Variants in BCAT2 observed in about 807,000 individuals in gnomAD.
BCAT2 encodes the protein branched chain amino acid transaminase 2, also known as branched-chain-amino-acid aminotransferase, mitochondrial.
BCAT2 carries 44 observed loss-of-function variants against 52.9 expected under a neutral mutation model. That is an observed-to-expected ratio of 0.83 (90% CI 0.65 to 1.07). The LOEUF (loss-of-function observed/expected upper bound fraction) is 1.07. BCAT2 is among the 50% of genes least tolerant of loss of function. The pLI is 0.00. For synonymous variants in BCAT2, 215 were observed against 217.1 expected (o/e 0.99, Z 0.08); for missense variants, 478 against 521.8 (o/e 0.92, Z 0.82).
chr19:48,796,153 AC>A (rs1356991869), intron 10 of BCAT2: 1 of 523,012 alleles, frequency 1.9e-6, no homozygotes, highest in African/African-American at 1.9e-5. Context: ...CTACCAGGGC[AC>A]CCAGGAGCCG....
At chr19:48,806,952 C>T in intron 2 of BCAT2, 48 bp downstream of exon 2, 1 of 1,594,948 alleles carries the variant, frequency 6.3e-7, no homozygotes, top group Non-Finnish European at 8.6e-7. Context: ...AAACCAGCTG[C>T]CAGCCCCCTC....
rs960537165 is a variant in BCAT2 at position 48,795,322 on chromosome 19, G to T, written c.*104C>A. 1.7e-5 allele frequency: 26 copies of T among 1,491,954 alleles called. No individual in the cohort carries two copies. Among genetic ancestry groups the T allele is most frequent in the Non-Finnish European group, 2.3e-5 (25 of 1,084,204 alleles). The allele number at this position is 1,491,954 out of a possible 1,614,324, so 92.4% of individuals were successfully genotyped here. On this transcript the variant is annotated 3_prime_UTR_variant, in exon 11 of 11. Transcript: ENST00000316273. ...CCAGAGACCCAGACGCCGCCCGCTG[G>T]CCTTTTATTTCGTATTGCACTTCAG...
intron 3 of BCAT2, 61 bp from the exon 4 acceptor site, chr19:48,800,358 AAGAC>A (rs773437653): frequency 5.1e-5 from 74 of 1,438,618 alleles, no homozygotes; most frequent in Non-Finnish European, 6.9e-5. Context: ...GAGAGACACC[AAGAC>A]AGACAGAGAC....
chr19:48,799,427 C>A lies in BCAT2; in HGVS notation c.695+248G>T. On this transcript the variant is annotated intron_variant, in intron 6 of 10. Transcript: ENST00000316273. The surrounding 1 kb of genome is among the most constrained non-coding windows in gnomAD (Gnocchi z 5.5). ...CTTCCAGGGACCAGTCCTGGTTTCC[C>A]CACTGACCTCCACCCAATGCCTTCC... 2.0e-6 allele frequency: 1 copy of A among 495,742 alleles called. No individual in the cohort carries two copies. The highest frequency in any genetic ancestry group is 3.4e-6 in the Non-Finnish European group (1 of 292,602). 30.7% of individuals were successfully genotyped at this position (495,742 alleles called of 1,614,324 possible). A position where few individuals can be genotyped will look rare whatever the true frequency, so the allele number is the denominator to read the frequency against.
intron 2 of BCAT2, 115 bp downstream of exon 2, chr19:48,806,885 G>T: frequency 7.0e-7 from 1 of 1,423,886 alleles, no homozygotes; most frequent in South Asian, 1.2e-5. Context: ...ATGGCAGGCT[G>T]TTAAGCTACC....
Position 48,806,731 on chromosome 19 carries a change from G to A in BCAT2, c.100-14C>T, listed in dbSNP as rs527706487. On this transcript the variant is annotated splice_polypyrimidine_tract_variant and intron_variant, in intron 2 of 10. Coordinates refer to ENST00000316273, the MANE Select transcript of BCAT2 (RefSeq NM_001190.4). ...CAGGTCTGCAGCCTGAGGAAAGACA[G>A]GGGTATCCTAGAATCTGGCCACAAC... 204 of 1,611,098 alleles carry A rather than the reference G, an allele frequency of 1.3e-4. 4 individuals are homozygous for A. In the South Asian group the frequency reaches 2.2e-3, roughly 17 times the overall value.
chr19:48,806,849 C>T, intron 2 of BCAT2, 132 bp from the exon 3 acceptor site: 4 of 1,379,022 alleles, frequency 2.9e-6, no homozygotes, highest in African/African-American at 1.4e-5. Flanking sequence ...CTGGGACATG[C>T]AGTTTCATCC....
At position 48,811,024 on chromosome 19, in the gene BCAT2, A is replaced by C. The variant is rs2034912864; in HGVS notation, c.-17T>G. 6.3e-7 allele frequency: 1 copy of C among 1,597,654 alleles called. No homozygotes were observed. The highest frequency in any genetic ancestry group is 1.4e-5 in the African/African-American group (1 of 73,212). On this transcript the variant is annotated 5_prime_UTR_variant, in exon 1 of 11. Coordinates refer to ENST00000316273, the MANE Select transcript of BCAT2 (RefSeq NM_001190.4). ...TGCGGCCATGATCCGTGCGGCGCGT[A>C]ACTGTGCCCGCCCGGGGCGCGGCTC...
intron 4 of BCAT2, 36 bp downstream of exon 4, chr19:48,800,151 C>T (rs2034625944): frequency 1.2e-6 from 2 of 1,612,332 alleles, no homozygotes; most frequent in East Asian, 2.2e-5. Flanking sequence ...CCGGCCCCAG[C>T]CCTCCTCCCC....
At chr19:48,797,552 T>C (rs2122653477) in intron 6 of BCAT2, 1 of 595,100 alleles carries the variant, frequency 1.7e-6, no homozygotes, top group Non-Finnish European at 2.9e-6. Flanking sequence ...TTCTTTCTTT[T>C]CTTTTCTTTT....
chr19:48,799,921 C>T lies in BCAT2; in HGVS notation c.531+60G>A. Reference sequence around the variant, plus strand: ...CAGGCCCAGGCCTCCAGGACCCCACCCCTGCCCTGCAGAATCCAACCCCCG... The same window carrying T: ...CAGGCCCAGGCCTCCAGGACCCCACTCCTGCCCTGCAGAATCCAACCCCCG... On this transcript the variant is annotated intron_variant, in intron 5 of 10. Transcript: ENST00000316273. This position sits in a 1 kb window ranked among gnomAD's most constrained non-coding sequence, Gnocchi z 5.5. The T allele has an allele frequency of 1.2e-6, 2 of 1,606,084 alleles. No homozygotes were observed. The highest frequency in any genetic ancestry group is 1.7e-6 in the Non-Finnish European group (2 of 1,176,096).
chr19:48,806,858 C>A (rs2034796617), intron 2 of BCAT2, 141 bp from the exon 3 acceptor site: 1 of 1,382,594 alleles, frequency 7.2e-7, no homozygotes, highest in Non-Finnish European at 1.0e-6. Flanking sequence ...GCAGTTTCAT[C>A]CCTTGTCTGC....
At chr19:48,797,458 T>A (rs2034552882) in intron 6 of BCAT2, 125 bp from the exon 7 acceptor site, 3 of 1,193,082 alleles carry the variant, frequency 2.5e-6, no homozygotes. Flanking sequence ...GCTCCCCAGT[T>A]CCCCTGAGAT....
At chr19:48,810,736 C>CTTTTTTT in intron 1 of BCAT2, 1 of 720,992 alleles carries the variant, frequency 1.4e-6, no homozygotes, top group Non-Finnish European at 1.8e-6. Flanking sequence ...CCATGTTTCC[C>CTTTTTTT]TTTTTTTTTT....
intron 2 of BCAT2, 50 bp downstream of exon 2, chr19:48,806,950 T>C (rs769113759): frequency 1.4e-5 from 23 of 1,592,244 alleles, no homozygotes; most frequent in Non-Finnish European, 1.9e-5. Flanking sequence ...CAAAACCAGC[T>C]GCCAGCCCCC....
intron 3 of BCAT2, among the ~76,000 whole-genome samples, chr19:48,804,194 T>C (rs371864570): frequency 6.6e-6 from 1 of 151,874 alleles, no homozygotes; most frequent in East Asian, 1.9e-4. Flanking sequence ...AATAAAATGG[T>C]TGGAATCCCA....
Position 48,799,463 on chromosome 19 carries a change from C to T in BCAT2, c.695+212G>A, listed in dbSNP as rs577937033. On this transcript the variant is annotated intron_variant, in intron 6 of 10. Coordinates refer to ENST00000316273, the MANE Select transcript of BCAT2 (RefSeq NM_001190.4). The surrounding 1 kb of genome is among the most constrained non-coding windows in gnomAD (Gnocchi z 5.5). ...CACCCAATGCCTTCCCATCTGTGAG[C>T]CTTTTTGTCCATCTGAAAAATAATC... is the stretch of plus-strand genomic sequence containing the variant. 4 of 632,116 alleles carry T rather than the reference C, an allele frequency of 6.3e-6. No homozygotes were observed. The highest frequency in any genetic ancestry group is 9.9e-6 in the Non-Finnish European group (4 of 403,386). The allele number at this position is 632,116 out of a possible 1,614,324, so 39.2% of individuals were successfully genotyped here.
chr19:48,797,544 C>CTTTCT lies in BCAT2; in HGVS notation c.696-216_696-212dup, dbSNP rs552622259. ...CTCTCTCCTGTCTCTTCCCACTTTT[C>CTTTCT]TTTCTTTTCTTTTCTTTTTTTTTTA... On this transcript the variant is annotated intron_variant, in intron 6 of 10. Coordinates refer to ENST00000316273, the MANE Select transcript of BCAT2 (RefSeq NM_001190.4). 777 of 599,940 alleles carry CTTTCT rather than the reference C, an allele frequency of 1.3e-3. 7 individuals carry two copies. The highest frequency in any genetic ancestry group is 0.013 in the African/African-American group (671 of 53,588). The allele number at this position is 599,940 out of a possible 1,614,324, so 37.2% of individuals were successfully genotyped here.
intron 2 of BCAT2, 44 bp downstream of exon 2, chr19:48,806,956 C>T (rs777171215): frequency 3.8e-6 from 6 of 1,596,746 alleles, no homozygotes; most frequent in Non-Finnish European, 5.2e-6. Flanking sequence ...CAGCTGCCAG[C>T]CCCCTCCTCT....
Sources: allele counts gnomAD v4.1 joint callset (sites outside exome capture counted in the v4.1 genomes callset), GRCh38; gene constraint gnomAD v4.1.1; non-coding constraint Gnocchi (gnomAD v3.1); transcripts MANE v1.5; gene names NCBI Gene and HGNC (gene_info 2026-07-23, HGNC 2026-07-21).